Variants in ROBO2 observed in about 807,000 individuals in gnomAD.
The protein encoded by ROBO2 is roundabout guidance receptor 2, also known as roundabout homolog 2.
A neutral mutation model predicts 160.8 loss-of-function variants in ROBO2; 53 were observed. That is an observed-to-expected ratio of 0.33 (90% CI 0.26 to 0.41). The LOEUF (loss-of-function observed/expected upper bound fraction) is 0.41. Among genes scored for constraint, ROBO2 ranks in the 10% least tolerant of loss-of-function variants. The pLI is 1.00. For synonymous variants in ROBO2, 664 were observed against 611.7 expected (o/e 1.09, Z -1.26); for missense variants, 1,577 against 1,722.4 (o/e 0.92, Z 1.49).
At chr3:77,343,626 GA>G (rs749018196) in intron 2 of ROBO2, among the ~76,000 whole-genome samples, 4 of 152,140 alleles carry the variant, frequency 2.6e-5, no homozygotes, top group Non-Finnish European at 5.9e-5. Context: ...TAGCTGGCAA[GA>G]AAGACAGTCT....
intron 2 of ROBO2, among the ~76,000 whole-genome samples, chr3:77,323,684 T>C (rs1272183654): frequency 6.6e-6 from 1 of 152,066 alleles, no homozygotes. Flanking sequence ...CTTTTAAAGA[T>C]GAAACTCCTG....
chr3:76,615,093 A>G (rs1228427811), intron 2 of ROBO2, among the ~76,000 whole-genome samples: 1 of 152,116 alleles, frequency 6.6e-6, no homozygotes, highest in Non-Finnish European at 1.5e-5. Flanking sequence ...CTGACTCTAG[A>G]CCAATGGTTT....
At chr3:76,612,373 C>G (rs2088196211) in intron 2 of ROBO2, among the ~76,000 whole-genome samples, 1 of 152,108 alleles carries the variant, frequency 6.6e-6, no homozygotes, top group African/African-American at 2.4e-5. Flanking sequence ...CCAGCTATTA[C>G]TATATCGGGG....
At chr3:76,555,426 A>AAGAAG (rs1560141776) in intron 2 of ROBO2, among the ~76,000 whole-genome samples, 1 of 96,972 alleles carries the variant, frequency 1.0e-5, no homozygotes, top group Non-Finnish European at 2.1e-5. Flanking sequence ...AGAAAGAAGG[A>AAGAAG]GAAGGGGAAG....
At chr3:76,512,852 C>G (rs1052353860) in intron 2 of ROBO2, among the ~76,000 whole-genome samples, 1 of 152,180 alleles carries the variant, frequency 6.6e-6, no homozygotes, top group South Asian at 2.1e-4. Flanking sequence ...ATCCCAAACC[C>G]GTTTGGTCCC....
intron 2 of ROBO2, among the ~76,000 whole-genome samples, chr3:76,991,868 A>G (rs2060683171): frequency 6.6e-6 from 1 of 152,088 alleles, no homozygotes; most frequent in Non-Finnish European, 1.5e-5. Context: ...AAGGCTATTG[A>G]CCCCAGCTTG....
chr3:77,019,196 G>T (rs886615118), intron 2 of ROBO2, among the ~76,000 whole-genome samples: 1 of 152,122 alleles, frequency 6.6e-6, no homozygotes, highest in African/African-American at 2.4e-5. Flanking sequence ...ATTTCTCACA[G>T]CTCTGGGGGC....
chr3:77,297,274 T>G (rs1377228383), intron 2 of ROBO2, among the ~76,000 whole-genome samples: 1 of 152,142 alleles, frequency 6.6e-6, no homozygotes, highest in Non-Finnish European at 1.5e-5. Flanking sequence ...GAGTGATAGT[T>G]AAGCATAATT....
chr3:76,146,567 A>G (rs960279221), intron 2 of ROBO2, among the ~76,000 whole-genome samples: 1 of 151,684 alleles, frequency 6.6e-6, no homozygotes, highest in African/African-American at 2.4e-5. Flanking sequence ...CTTAAAGTCA[A>G]TTTATTGGAG....
chr3:76,758,796 G>T (rs1219873027), intron 2 of ROBO2, among the ~76,000 whole-genome samples: 1 of 151,780 alleles, frequency 6.6e-6, no homozygotes, highest in African/African-American at 2.4e-5. Context: ...AAGAAATAAA[G>T]ATCACACCAA....
chr3:77,607,437 G>C (rs2094547002), intron 20 of ROBO2, among the ~76,000 whole-genome samples: 1 of 152,114 alleles, frequency 6.6e-6, no homozygotes, highest in Non-Finnish European at 1.5e-5. Flanking sequence ...TTATGCAAAA[G>C]AGCATTATAA....
chr3:77,367,680 C>T (rs2071112669), intron 2 of ROBO2, among the ~76,000 whole-genome samples: 1 of 152,170 alleles, frequency 6.6e-6, no homozygotes, highest in South Asian at 2.1e-4. Context: ...ACACCTTATG[C>T]TTAGCAATGA....
intron 2 of ROBO2, among the ~76,000 whole-genome samples, chr3:76,504,677 G>A (rs987391524): frequency 1.3e-5 from 2 of 151,626 alleles, no homozygotes; most frequent in Non-Finnish European, 2.9e-5. Flanking sequence ...TACAGGCACT[G>A]CCACCACGCC....
chr3:75,914,739 A>G (rs1277145661), intron 1 of ROBO2, among the ~76,000 whole-genome samples: 1 of 152,218 alleles, frequency 6.6e-6, no homozygotes, highest in Non-Finnish European at 1.5e-5. Context: ...TGAGTAACGT[A>G]CATGCATATT....
At chr3:76,746,634 C>T (rs897308917) in intron 2 of ROBO2, among the ~76,000 whole-genome samples, 5 of 152,210 alleles carry the variant, frequency 3.3e-5, no homozygotes, top group African/African-American at 1.2e-4. Context: ...CCGAATCCAG[C>T]AGCACATCAA....
intron 2 of ROBO2, among the ~76,000 whole-genome samples, chr3:75,989,109 G>T (rs890483879): frequency 1.3e-5 from 2 of 151,542 alleles, no homozygotes; most frequent in African/African-American, 4.9e-5. Context: ...TATTTATTTT[G>T]TTGTTGTTGT....
intron 2 of ROBO2, among the ~76,000 whole-genome samples, chr3:76,091,134 C>T (rs184175219): frequency 2.8e-4 from 42 of 152,150 alleles, no homozygotes; most frequent in Non-Finnish European, 5.3e-4. Flanking sequence ...CTCATCACAG[C>T]CACCATGAAG....
At chr3:76,550,367 TA>T (rs1434070357) in intron 2 of ROBO2, among the ~76,000 whole-genome samples, 2 of 152,344 alleles carry the variant, frequency 1.3e-5, no homozygotes, top group African/African-American at 4.8e-5. Flanking sequence ...TCTGTATCCA[TA>T]AATTCCACAT....
intron 2 of ROBO2, among the ~76,000 whole-genome samples, chr3:76,555,358 G>GGAGGAAGAGGAGGAAGAGGA (rs1201244951): frequency 4.8e-4 from 28 of 57,982 alleles, no homozygotes; most frequent in African/African-American, 1.5e-3. Context: ...AGTAGGAAGA[G>GGAGGAAGAGGAGGAAGAGGA]AGAAGAAGAA....
Sources: allele counts gnomAD v4.1 joint callset (sites outside exome capture counted in the v4.1 genomes callset), GRCh38; gene constraint gnomAD v4.1.1; transcripts MANE v1.5; gene names NCBI Gene and HGNC (gene_info 2026-07-23, HGNC 2026-07-21).